The following POU6F2 variants were observed in gnomAD, a reference collection of about 807,000 sequenced individuals.
POU6F2 encodes POU domain, class 6, transcription factor 2.
In POU6F2, 31 loss-of-function variants were observed where a neutral mutation model predicts 71.3. The observed-to-expected ratio is 0.43, with a 90% confidence interval of 0.33 to 0.59. POU6F2 has a LOEUF of 0.59. Ranked by LOEUF, POU6F2 falls within the 20% of genes least tolerant of loss-of-function variation. The pLI is 0.04. For missense variants in POU6F2, 783 were observed against 856.8 expected (o/e 0.91, Z 1.07); for synonymous variants, 347 against 355.7 (o/e 0.98, Z 0.27).
At chr7:39,229,480 A>G (rs1197021166) in intron 4 of POU6F2, among the ~76,000 whole-genome samples, 1 of 152,224 alleles carries the variant, frequency 6.6e-6, no homozygotes, top group Admixed American at 6.5e-5. Context: ...CCGAGGTTTA[A>G]TTTCCCAACA....
chr7:39,465,481 G>C lies in POU6F2; in HGVS notation c.*795G>C, dbSNP rs1789049613. ...TTGACGGGAGGGCATCCTGGATCGT[G>C]TGCCAAAGCATTTGTTGCTTTTTTC... is the stretch of plus-strand genomic sequence containing the variant. On this transcript the variant is annotated 3_prime_UTR_variant, in exon 10 of 10. Coordinates refer to ENST00000518318, the MANE Select transcript of POU6F2 (RefSeq NM_001370959.1). 6.6e-6 allele frequency: 1 copy of C among 152,164 alleles called. No homozygotes were observed. Among genetic ancestry groups the C allele is most frequent in the Non-Finnish European group, 1.5e-5 (1 of 68,030 alleles). 9.4% of individuals were successfully genotyped at this position (152,164 alleles called of 1,614,324 possible). A position where few individuals can be genotyped will look rare whatever the true frequency, so the allele number is the denominator to read the frequency against.
chr7:39,419,039 A>G lies in POU6F2; in HGVS notation c.1113+12299A>G, dbSNP rs1034496358. 1.3e-4 allele frequency among the ~76,000 whole-genome samples: 19 copies of G among 146,632 alleles called. 1 individual carries two copies. Among genetic ancestry groups the G allele is most frequent in the South Asian group, 4.2e-4 (2 of 4,720 alleles). On this transcript the variant is annotated intron_variant, in intron 6 of 9. Transcript: ENST00000518318. ...TGTATATATATGTGTGTATATATAC[A>G]TATATATGTATACACATATATACAC...
chr7:39,415,377 T>G (rs551077106), intron 6 of POU6F2, among the ~76,000 whole-genome samples: 2 of 152,294 alleles, frequency 1.3e-5, no homozygotes, highest in South Asian at 4.1e-4. Flanking sequence ...TTGGGAAACG[T>G]TTTCTTGTGG....
At chr7:39,308,821 C>G (rs1785099208) in intron 4 of POU6F2, among the ~76,000 whole-genome samples, 1 of 152,196 alleles carries the variant, frequency 6.6e-6, no homozygotes, top group Admixed American at 6.5e-5. Flanking sequence ...GAAACATCAT[C>G]TGACTGCCCA....
At chr7:39,343,680 G>A (rs974334200) in intron 5 of POU6F2, among the ~76,000 whole-genome samples, 21 of 152,076 alleles carry the variant, frequency 1.4e-4, no homozygotes, top group African/African-American at 5.1e-4. Flanking sequence ...TAACCGGAGG[G>A]CTTGAGTCCC....
At chr7:39,141,484 A>G (rs945996791) in intron 2 of POU6F2, among the ~76,000 whole-genome samples, 4 of 152,158 alleles carry the variant, frequency 2.6e-5, no homozygotes, top group South Asian at 2.1e-4. Flanking sequence ...TCTGATTTAT[A>G]TTTATTCTGC....
At chr7:39,163,650 A>G (rs1039943791) in intron 2 of POU6F2, among the ~76,000 whole-genome samples, 11 of 152,224 alleles carry the variant, frequency 7.2e-5, no homozygotes, top group African/African-American at 2.7e-4. Context: ...GGTTAAAGCA[A>G]TTTCACTACT....
chr7:39,081,387 G>A (rs771030917), intron 1 of POU6F2, among the ~76,000 whole-genome samples: 12 of 152,332 alleles, frequency 7.9e-5, no homozygotes, highest in Admixed American at 2.6e-4. Context: ...GAATAAGAAA[G>A]TTAGATCGAC....
intron 1 of POU6F2, among the ~76,000 whole-genome samples, chr7:39,046,667 A>G (rs1562684492): frequency 6.6e-6 from 1 of 151,934 alleles, no homozygotes; most frequent in Non-Finnish European, 1.5e-5. Context: ...TCCAGAATAC[A>G]TAGCAGCATC....
chr7:38,979,576 T>C (rs916908296), intron 1 of POU6F2, among the ~76,000 whole-genome samples: 6 of 152,200 alleles, frequency 3.9e-5, no homozygotes, highest in Non-Finnish European at 7.4e-5. Context: ...ACTGATTTTA[T>C]ATACTCTTAA....
chr7:39,159,201 A>T (rs1218733195), intron 2 of POU6F2, among the ~76,000 whole-genome samples: 1 of 151,976 alleles, frequency 6.6e-6, no homozygotes, highest in Admixed American at 6.6e-5. Context: ...TAAAAAAAAT[A>T]ACCATTTCAG....
intron 5 of POU6F2, among the ~76,000 whole-genome samples, chr7:39,398,003 C>T (rs1187702329): frequency 6.6e-6 from 1 of 151,496 alleles, no homozygotes; most frequent in African/African-American, 2.4e-5. Flanking sequence ...TGTATTTTAG[C>T]AGAGTTAGAG....
At chr7:39,335,138 G>A (rs1562794299) in intron 4 of POU6F2, among the ~76,000 whole-genome samples, 1 of 152,152 alleles carries the variant, frequency 6.6e-6, no homozygotes, top group Non-Finnish European at 1.5e-5. Context: ...AGGTAAACTA[G>A]TGGTATGAAT....
intron 8 of POU6F2, among the ~76,000 whole-genome samples, chr7:39,457,369 T>A (rs931923104): frequency 6.6e-6 from 1 of 152,068 alleles, no homozygotes; most frequent in Non-Finnish European, 1.5e-5. Flanking sequence ...AAGGCAAAAA[T>A]TTTACTTTCC....
At chr7:39,456,510 A>C (rs1788809997) in intron 8 of POU6F2, among the ~76,000 whole-genome samples, 1 of 152,276 alleles carries the variant, frequency 6.6e-6, no homozygotes, top group South Asian at 2.1e-4. Context: ...TGATGAATTC[A>C]AAACATCTTA....
intron 4 of POU6F2, among the ~76,000 whole-genome samples, chr7:39,331,369 T>C (rs760456010): frequency 9.2e-5 from 14 of 152,226 alleles, no homozygotes; most frequent in Non-Finnish European, 1.8e-4. Context: ...CCACAAAGGC[T>C]GTCTTAGTTT....
chr7:39,213,205 G>A (rs973596914), intron 4 of POU6F2, among the ~76,000 whole-genome samples: 2 of 152,184 alleles, frequency 1.3e-5, no homozygotes, highest in Non-Finnish European at 2.9e-5. Flanking sequence ...ACATGGAAAA[G>A]CAATTAGGTT....
intron 6 of POU6F2, among the ~76,000 whole-genome samples, chr7:39,408,092 G>A (rs1477764197): frequency 1.3e-5 from 2 of 152,212 alleles, no homozygotes; most frequent in African/African-American, 2.4e-5. Flanking sequence ...GAGGGACGGG[G>A]TATTGGTGTA....
chr7:39,221,560 T>C (rs946536505), intron 4 of POU6F2, among the ~76,000 whole-genome samples: 1 of 152,024 alleles, frequency 6.6e-6, no homozygotes, highest in Non-Finnish European at 1.5e-5. Flanking sequence ...CTAATTTTTG[T>C]ATTTTTAGTA....
Sources: allele counts gnomAD v4.1 joint callset (sites outside exome capture counted in the v4.1 genomes callset), GRCh38; gene constraint gnomAD v4.1.1; transcripts MANE v1.5; gene names NCBI Gene and HGNC (gene_info 2026-07-23, HGNC 2026-07-21).